NUCB1: variants seen among roughly 807,000 people sequenced by gnomAD.
NUCB1 encodes the protein nucleobindin 1, also known as nucleobindin-1.
NUCB1 carries 47 observed loss-of-function variants against 61.2 expected under a neutral mutation model. The observed-to-expected ratio is 0.77, with a 90% confidence interval of 0.61 to 0.98. The LOEUF is 0.98. Among genes scored for constraint, NUCB1 ranks in the 50% least tolerant of loss-of-function variants. The pLI is 0.00. For synonymous variants in NUCB1, 234 were observed against 243.1 expected (o/e 0.96, Z 0.35); for missense variants, 583 against 605.3 (o/e 0.96, Z 0.39).
At chr19:48,916,946 G>T (rs1055128283) in intron 7 of NUCB1, among the ~76,000 whole-genome samples, 1 of 151,828 alleles carries the variant, frequency 6.6e-6, no homozygotes, top group Non-Finnish European at 1.5e-5. Context: ...TAGGCCCGGC[G>T]CAGTGGCTTA....
chr19:48,913,607 T>TTCTGACCCTTCTAGGG (rs1461361684), intron 7 of NUCB1, 43 bp downstream of exon 7: 2 of 1,499,870 alleles, frequency 1.3e-6, no homozygotes, highest in Admixed American at 1.7e-5. Flanking sequence ...GAACCCTAGA[T>TTCTGACCCTTCTAGGG]TCTGACCCTT....
chr19:48,921,455 C>G, intron 11 of NUCB1, 131 bp downstream of exon 11: 4 of 1,053,816 alleles, frequency 3.8e-6, no homozygotes, highest in Non-Finnish European at 5.7e-6. Flanking sequence ...AAGTATTCAC[C>G]GCCATCTTGA....
chr19:48,908,721 GGTGTGTGTGT>G (rs57686025), intron 4 of NUCB1, among the ~76,000 whole-genome samples: 34 of 109,368 alleles, frequency 3.1e-4, no homozygotes, highest in Middle Eastern at 5.0e-3. Context: ...TTGACCAAGG[GGTGTGTGTGT>G]GTGTGTGTGT....
At position 48,922,675 on chromosome 19, in the gene NUCB1, C is replaced by T. The variant is rs1600071619; in HGVS notation, c.*251C>T. The T allele has an allele frequency of 6.3e-6, 3 of 473,574 alleles. No homozygotes were observed. Among genetic ancestry groups the T allele is most frequent in the African/African-American group, 4.0e-5 (2 of 50,630 alleles). 29.3% of individuals were successfully genotyped at this position (473,574 alleles called of 1,614,324 possible). ...CTTCTCTCGTGTCCAGTGAGGTGCT[C>T]AGTGATCGGCTTAACTTAGAGAAGC... On this transcript the variant is annotated 3_prime_UTR_variant, in exon 13 of 13. Coordinates refer to ENST00000405315, the MANE Select transcript of NUCB1 (RefSeq NM_006184.6).
intron 2 of NUCB1, 81 bp from the exon 3 acceptor site, chr19:48,904,266 A>G: frequency 1.2e-6 from 1 of 868,198 alleles, no homozygotes; most frequent in South Asian, 1.4e-5. Context: ...TGCCCCAGGG[A>G]GCAGGCCATA....
intron 8 of NUCB1, 36 bp from the exon 9 acceptor site, chr19:48,918,994 C>T (rs763736429): frequency 6.3e-7 from 1 of 1,592,314 alleles, no homozygotes; most frequent in Non-Finnish European, 8.6e-7. Flanking sequence ...CGCTGGGGAC[C>T]TCTCAATGCT....
At chr19:48,903,673 AGTGGATGGATGGATGGGTGG>A (rs1441190741) in intron 2 of NUCB1, among the ~76,000 whole-genome samples, 1,713 of 12,680 alleles carry the variant, frequency 0.14, 284 homozygotes, top group Middle Eastern at 1. Context: ...TGGGTGGATG[AGTGGATGGATGGATGGGTGG>A]GTGGATGGAT....
At position 48,919,015 on chromosome 19, in the gene NUCB1, C is replaced by G. The variant is rs765860738; in HGVS notation, c.817-15C>G. 1.2e-6 allele frequency: 2 copies of G among 1,611,698 alleles called. No homozygotes were observed. Among genetic ancestry groups the G allele is most frequent in the Non-Finnish European group, 1.7e-6 (2 of 1,178,574 alleles). On this transcript the variant is annotated splice_polypyrimidine_tract_variant and intron_variant, in intron 8 of 12. Coordinates refer to ENST00000405315, the MANE Select transcript of NUCB1 (RefSeq NM_006184.6). ...GGACCTCTCAATGCTGTCTGCCTCT[C>G]GCTTGCTCCTGCAGCTGGAGAAAGT...
In NUCB1 at chr19:48,913,125, A is replaced by G; in HGVS notation, c.595A>G (p.Arg199Gly). The G allele has an allele frequency of 1.2e-6, 2 of 1,613,922 alleles. No homozygotes were observed. The highest frequency in any genetic ancestry group is 1.7e-6 in the Non-Finnish European group (2 of 1,179,996). ...RYLESLGEEQ[R>G]KEAERKLEEQ... ...TCTGGAGTCACTGGGAGAGGAGCAG[A>G]GAAAGGAGGCGGAGAGGAAGCTGGA... The change falls in exon 6 of 13, where the codon AGA (arginine) becomes GGA (glycine). Residue 199 changes from arginine to glycine, a missense_variant. Coordinates refer to ENST00000405315, the MANE Select transcript of NUCB1 (RefSeq NM_006184.6).
At chr19:48,914,138 G>A (rs1361020665) in intron 7 of NUCB1, among the ~76,000 whole-genome samples, 2 of 151,796 alleles carry the variant, frequency 1.3e-5, no homozygotes, top group Non-Finnish European at 1.5e-5. Context: ...ACCATGCCCG[G>A]CTAACTTTTG....
chr19:48,903,551 T>C (rs1568583132), intron 2 of NUCB1, among the ~76,000 whole-genome samples: 142 of 84,334 alleles, frequency 1.7e-3, no homozygotes, highest in African/African-American at 3.6e-3. Context: ...GATCGATGGG[T>C]GGGTGGATGG....
In NUCB1 at chr19:48,913,114, G is replaced by T; in HGVS notation, c.584G>T (p.Gly195Val). Residue 195 changes from glycine (G) to valine (V), a missense_variant, in exon 6 of 13, where the codon GGA (glycine) becomes GTA (valine). By Grantham distance (109) the Gly-to-Val change is moderately radical (BLOSUM62 -3). Coordinates refer to ENST00000405315, the MANE Select transcript of NUCB1 (RefSeq NM_006184.6). ...AGACGGCGTTATCTGGAGTCACTGGGAGAGGAGCAGAGAAAGGAGGCGGAG... is the reference window on the plus strand; with the variant it reads ...AGACGGCGTTATCTGGAGTCACTGGTAGAGGAGCAGAGAAAGGAGGCGGAG... ...HERRRYLESL[G>V]EEQRKEAERK... 6.2e-7 allele frequency: 1 copy of T among 1,613,946 alleles called. No individual in the cohort carries two copies. The highest frequency in any genetic ancestry group is 8.5e-7 in the Non-Finnish European group (1 of 1,179,998).
intron 1 of NUCB1, 54 bp from the exon 2 acceptor site, chr19:48,900,729 GGGA>G: frequency 6.4e-7 from 1 of 1,567,640 alleles, no homozygotes; most frequent in Non-Finnish European, 8.7e-7. Flanking sequence ...CTGGTTCCAG[GGGA>G]GGAAGAGGCT....
intron 4 of NUCB1, among the ~76,000 whole-genome samples, chr19:48,906,183 G>C (rs926890206): frequency 1.1e-4 from 17 of 152,076 alleles, no homozygotes; most frequent in African/African-American, 3.6e-4. Context: ...AGGCAAGCAG[G>C]TCACCTGAGG....
In NUCB1 at chr19:48,911,260, G is replaced by T. The variant is rs1374452005; in HGVS notation, c.480+8G>T. On this transcript the variant is annotated splice_region_variant and intron_variant, in intron 5 of 12. Coordinates refer to ENST00000405315, the MANE Select transcript of NUCB1 (RefSeq NM_006184.6). ...GAGCTGCTGATCCAGACGGTAATGGGAGTGGGTCCGGAGGCAGAGGATTGA... is the reference window on the plus strand; with the variant it reads ...GAGCTGCTGATCCAGACGGTAATGGTAGTGGGTCCGGAGGCAGAGGATTGA... 6.2e-7 allele frequency: 1 copy of T among 1,602,572 alleles called. No individual in the cohort carries two copies. The highest frequency in any genetic ancestry group is 2.2e-5 in the East Asian group (1 of 44,816).
At chr19:48,913,261 C>T in intron 6 of NUCB1, 65 bp downstream of exon 6, 1 of 1,504,944 alleles carries the variant, frequency 6.6e-7, no homozygotes, top group South Asian at 1.3e-5. Flanking sequence ...GACAAGAAAG[C>T]AGTTAAAGAA....
intron 7 of NUCB1, among the ~76,000 whole-genome samples, chr19:48,916,681 G>T (rs2037543849): frequency 6.6e-6 from 1 of 152,040 alleles, no homozygotes; most frequent in South Asian, 2.1e-4. Flanking sequence ...ACTTTCGGAG[G>T]CCAAGGCAGG....
At chr19:48,911,732 C>T (rs1401934845) in intron 5 of NUCB1, among the ~76,000 whole-genome samples, 2 of 152,034 alleles carry the variant, frequency 1.3e-5, no homozygotes, top group Non-Finnish European at 2.9e-5. Flanking sequence ...CCACCGTAAT[C>T]TAGCAGGCCA....
At chr19:48,918,568 G>A (rs1402258909) in intron 7 of NUCB1, 158 bp from the exon 8 acceptor site, 4 of 671,730 alleles carry the variant, frequency 6.0e-6, no homozygotes, top group African/African-American at 3.5e-5. Context: ...GGGTCTAGTG[G>A]GGTACTAAAG....
Sources: allele counts gnomAD v4.1 joint callset (sites outside exome capture counted in the v4.1 genomes callset), GRCh38; gene constraint gnomAD v4.1.1; transcripts MANE v1.5; gene names NCBI Gene and HGNC (gene_info 2026-07-23, HGNC 2026-07-21).